The following FANCB variants were observed in gnomAD, a reference collection of about 807,000 sequenced individuals.
The protein encoded by FANCB is Fanconi anemia group B protein.
In FANCB, 5 loss-of-function variants were observed where a neutral mutation model predicts 38.9. That is an observed-to-expected ratio of 0.13 (90% CI 0.07 to 0.27). The LOEUF (loss-of-function observed/expected upper bound fraction) is 0.27, where lower values mean the gene tolerates loss of function less well. Ranked by LOEUF, FANCB falls within the 10% of genes least tolerant of loss-of-function variation. The pLI is 1.00. For missense variants in FANCB, 573 were observed against 602.7 expected (o/e 0.95, Z 0.52); for synonymous variants, 236 against 215.4 (o/e 1.10, Z -0.84).
At chrX:14,765,489 C>G in the FANCB span, among the ~76,000 whole-genome samples, 2 of 112,386 alleles carry the variant, frequency 1.8e-5, no homozygotes, top group Non-Finnish European at 3.8e-5. Flanking sequence ...ATTAAAGGAG[C>G]AAACTCCGTT....
chrX:14,763,814 C>T, the FANCB span, among the ~76,000 whole-genome samples: 2 of 111,475 alleles, frequency 1.8e-5, no homozygotes, highest in African/African-American at 6.5e-5. Flanking sequence ...TCAAAGTTCC[C>T]CGTTGTTCTC....
At chrX:14,790,550 A>C in the FANCB span, among the ~76,000 whole-genome samples, 1 of 112,116 alleles carries the variant, frequency 8.9e-6, no homozygotes, top group South Asian at 3.7e-4. Flanking sequence ...AGACAGGTTA[A>C]ATTTATGGAG....
the FANCB span, among the ~76,000 whole-genome samples, chrX:14,728,972 C>G: frequency 3.6e-5 from 4 of 112,357 alleles, no homozygotes; most frequent in Admixed American, 3.8e-4. Flanking sequence ...TCTCACCTTC[C>G]TTACCTCTCC....
At chrX:14,780,161 T>C in the FANCB span, among the ~76,000 whole-genome samples, 2 of 110,890 alleles carry the variant, frequency 1.8e-5, no homozygotes, top group African/African-American at 3.4e-5. Flanking sequence ...TTTTACAAAA[T>C]GCAACACTTA....
the FANCB span, among the ~76,000 whole-genome samples, chrX:14,721,376 AC>A: frequency 4.5e-5 from 5 of 111,471 alleles, no homozygotes; most frequent in African/African-American, 1.6e-4. Context: ...TATGTTAATT[AC>A]CTTGAGTTAA....
At chrX:14,777,332 A>G in the FANCB span, among the ~76,000 whole-genome samples, 16 of 112,272 alleles carry the variant, frequency 1.4e-4, no homozygotes, top group African/African-American at 4.2e-4. Context: ...GCAGTTACTT[A>G]TCATCACTTC....
At chrX:14,734,919 G>GT in the FANCB span, among the ~76,000 whole-genome samples, 1,141 of 96,168 alleles carry the variant, frequency 0.012, 5 homozygotes, top group African/African-American at 0.024. Flanking sequence ...GCTTTGTTCG[G>GT]TTTTTTTTTT....
chrX:14,715,821 T>G, the FANCB span, among the ~76,000 whole-genome samples: 1 of 111,408 alleles, frequency 9.0e-6, no homozygotes, highest in Admixed American at 9.6e-5. Flanking sequence ...GAGTGGTCAT[T>G]AAGGAGATGA....
the FANCB span, among the ~76,000 whole-genome samples, chrX:14,769,333 T>C: frequency 9.0e-6 from 1 of 111,729 alleles, no homozygotes; most frequent in African/African-American, 3.3e-5. Context: ...ACCGCCTCAA[T>C]TTCAGAACTC....
the FANCB span, among the ~76,000 whole-genome samples, chrX:14,772,672 T>C: frequency 9.0e-6 from 1 of 111,384 alleles, no homozygotes; most frequent in Middle Eastern, 4.2e-3. Flanking sequence ...TAGTGATATG[T>C]ACAAATGGAT....
the FANCB span, among the ~76,000 whole-genome samples, chrX:14,775,586 G>A: frequency 1.8e-5 from 2 of 111,529 alleles, no homozygotes; most frequent in East Asian, 5.6e-4. Flanking sequence ...TGTCACCAAG[G>A]AGAACTGAGG....
At chrX:14,775,160 G>GTTTTTTTGTTTTT in the FANCB span, among the ~76,000 whole-genome samples, 2 of 35,001 alleles carry the variant, frequency 5.7e-5, no homozygotes, top group Non-Finnish European at 1.2e-4. Flanking sequence ...TTTCTCTAAT[G>GTTTTTTTGTTTTT]TTTTTTTTTT....
chrX:14,713,120 T>A, the FANCB span, among the ~76,000 whole-genome samples: 1 of 111,873 alleles, frequency 8.9e-6, no homozygotes, highest in African/African-American at 3.3e-5. Flanking sequence ...ACGATAAAGA[T>A]CTAGAGAATT....
At chrX:14,813,716 G>C in the FANCB span, among the ~76,000 whole-genome samples, 1 of 111,731 alleles carries the variant, frequency 9.0e-6, no homozygotes, top group African/African-American at 3.3e-5. Flanking sequence ...CTCATGGATA[G>C]GAAGAATCAA....
chrX:14,717,302 C>T, the FANCB span, among the ~76,000 whole-genome samples: 8 of 106,475 alleles, frequency 7.5e-5, no homozygotes, highest in African/African-American at 2.4e-4. Context: ...TCTGCCATTT[C>T]ACTCTTCTTT....
the FANCB span, among the ~76,000 whole-genome samples, chrX:14,818,805 C>G: frequency 2.7e-5 from 3 of 111,996 alleles, no homozygotes; most frequent in African/African-American, 9.7e-5. Flanking sequence ...CATTATTTTA[C>G]TCGTACGAAG....
chrX:14,693,653 G>A, the FANCB span, among the ~76,000 whole-genome samples: 1 of 112,009 alleles, frequency 8.9e-6, no homozygotes, highest in Admixed American at 9.4e-5. Context: ...TACTTTTCAA[G>A]TCAGAAGAAA....
the FANCB span, among the ~76,000 whole-genome samples, chrX:14,776,524 T>C: frequency 8.9e-6 from 1 of 112,042 alleles, no homozygotes; most frequent in Non-Finnish European, 1.9e-5. Flanking sequence ...TGGTATTGAA[T>C]AGCGCACTCC....
At chrX:14,830,309 A>G in the FANCB span, among the ~76,000 whole-genome samples, 1 of 111,969 alleles carries the variant, frequency 8.9e-6, no homozygotes, top group Non-Finnish European at 1.9e-5. Context: ...AAAATATGAC[A>G]CAGAGACACA....
Sources: allele counts gnomAD v4.1 joint callset (sites outside exome capture counted in the v4.1 genomes callset), GRCh38; gene constraint gnomAD v4.1.1; transcripts MANE v1.5; gene names NCBI Gene and HGNC (gene_info 2026-07-23, HGNC 2026-07-21).